The following TRAK2 variants were observed in gnomAD, a reference collection of about 807,000 sequenced individuals.
The protein encoded by TRAK2 is trafficking kinesin protein 2, also known as trafficking kinesin-binding protein 2.
TRAK2 carries 81 observed loss-of-function variants against 104.6 expected under a neutral mutation model. That is an observed-to-expected ratio of 0.77 (90% CI 0.65 to 0.93). The LOEUF (loss-of-function observed/expected upper bound fraction) is 0.93. Among genes scored for constraint, TRAK2 ranks in the 40% least tolerant of loss-of-function variants. The pLI is 0.00. For synonymous variants in TRAK2, 406 were observed against 394.4 expected, an observed-to-expected ratio of 1.03 and a Z score of -0.35; for missense variants, 1,002 against 1,089.0, an observed-to-expected ratio of 0.92 and a Z score of 1.12.
intron 2 of TRAK2, chr2:201,410,749 T>C (rs1951638472): frequency 6.4e-7 from 1 of 1,555,278 alleles, no homozygotes; most frequent in East Asian, 2.2e-5. Context: ...AAGCCACTGA[T>C]TTGGTTTCTG....
rs1346096026 is a variant in TRAK2, at chr2:201,398,224, G to A, written c.611C>T (p.Ser204Phe). 13 of 1,613,656 alleles carry A rather than the reference G, an allele frequency of 8.1e-6. No individual in the cohort carries two copies. Among genetic ancestry groups the A allele is most frequent in the Non-Finnish European group, 1.0e-5 (12 of 1,179,758 alleles). The change falls in exon 6 of 16, where the codon TCT becomes TTT. Residue 204 changes from serine to phenylalanine, a missense_variant. Ser to Phe is a radical substitution (Grantham distance 155, BLOSUM62 -2). Transcript: ENST00000332624. ...CATTTCCAACTGCAGCAACCCTTGA[G>A]ATAAGCTAAAGGACTCATTGAACCG... ...PLRFNESFSL[S>F]QGLLQLEMLQ...
intron 1 of TRAK2, among the ~76,000 whole-genome samples, chr2:201,422,035 G>GC (rs1211247759): frequency 1.6e-5 from 2 of 127,764 alleles, no homozygotes; most frequent in Non-Finnish European, 3.2e-5. Context: ...GGGTGACAGA[G>GC]CAAGACTCTG....
At chr2:201,412,066 CT>C (rs200678843) in intron 2 of TRAK2, 38,809 of 1,117,900 alleles carry the variant, frequency 0.035, 1,079 homozygotes, top group Admixed American at 0.1. Flanking sequence ...TTGGCTCCTG[CT>C]GCTTAAACAC....
chr2:201,431,051 G>A (rs555036404), intron 1 of TRAK2, among the ~76,000 whole-genome samples: 2 of 152,320 alleles, frequency 1.3e-5, no homozygotes, highest in East Asian at 3.9e-4. Context: ...GATGCGGTCT[G>A]AAGATACCTC....
chr2:201,422,294 G>T (rs1457206552), intron 1 of TRAK2, among the ~76,000 whole-genome samples: 2 of 151,952 alleles, frequency 1.3e-5, no homozygotes, highest in Non-Finnish European at 2.9e-5. Context: ...ATAAATAAAT[G>T]GTTTAATAAC....
chr2:201,400,476 G>T (rs1181884307), intron 4 of TRAK2, among the ~76,000 whole-genome samples: 1 of 151,954 alleles, frequency 6.6e-6, no homozygotes, highest in African/African-American at 2.4e-5. Context: ...TGGGGGGAGA[G>T]GGGAGAAGGA....
chr2:201,390,398 CAA>C (rs35677800), intron 10 of TRAK2, among the ~76,000 whole-genome samples: 2 of 130,402 alleles, frequency 1.5e-5, no homozygotes, highest in Non-Finnish European at 1.6e-5. Context: ...CAAAAAAATA[CAA>C]AAAAAAAAAA....
At chr2:201,437,856 T>C (rs772092216) in intron 1 of TRAK2, among the ~76,000 whole-genome samples, 31 of 152,298 alleles carry the variant, frequency 2.0e-4, no homozygotes, top group Admixed American at 3.3e-4. Context: ...TACCTCTAAA[T>C]GTACACACAA....
intron 6 of TRAK2, 63 bp downstream of exon 6, chr2:201,398,082 G>T (rs1951518138): frequency 2.0e-6 from 3 of 1,481,070 alleles, no homozygotes; most frequent in Non-Finnish European, 2.8e-6. Flanking sequence ...CACCTCAATA[G>T]TACCTGGACC....
At chr2:201,404,225 C>T (rs1307164178) in intron 3 of TRAK2, among the ~76,000 whole-genome samples, 3 of 152,174 alleles carry the variant, frequency 2.0e-5, no homozygotes, top group East Asian at 1.9e-4. Flanking sequence ...GGTAGCCAAG[C>T]AGGTTGTCTT....
At chr2:201,397,250 A>G (rs1218554988) in intron 7 of TRAK2, among the ~76,000 whole-genome samples, 2 of 152,192 alleles carry the variant, frequency 1.3e-5, no homozygotes, top group Admixed American at 1.3e-4. Flanking sequence ...TCACTCTAAC[A>G]TGCTATAACT....
chr2:201,387,454 T>C (rs143778714), intron 13 of TRAK2, among the ~76,000 whole-genome samples: 1 of 152,344 alleles, frequency 6.6e-6, no homozygotes, highest in East Asian at 1.9e-4. Context: ...ATTACTCCTC[T>C]TCCCTGCTCA....
intron 2 of TRAK2, among the ~76,000 whole-genome samples, chr2:201,416,226 TAAA>T (rs11398184): frequency 4.4e-5 from 4 of 90,872 alleles, no homozygotes; most frequent in African/African-American, 1.3e-4. Flanking sequence ...GACTCTACAT[TAAA>T]AAAAAAAAAA....
intron 1 of TRAK2, among the ~76,000 whole-genome samples, chr2:201,424,973 A>G (rs138369233): frequency 9.1e-4 from 139 of 152,338 alleles, no homozygotes; most frequent in African/African-American, 3.2e-3. Context: ...GCTGGAAGGC[A>G]AAGAATAATA....
Position 201,380,629 on chromosome 2 carries a change from TC to T in TRAK2, c.2658del (p.Asn887IlefsTer7). On this transcript the variant is annotated frameshift_variant, in exon 16 of 16. Coordinates refer to ENST00000332624, the MANE Select transcript of TRAK2 (RefSeq NM_015049.3). LOFTEE classifies it high-confidence loss of function. ...SGSSLLGGLR[R>X]NQSLPVIMGS... ...CCCATTATGACTGGAAGACTCTGAT[TC>T]CTCCTTAGTCCACCTAATAAACTGC... 1 of 1,614,062 alleles carries T rather than the reference TC, an allele frequency of 6.2e-7. No individual in the cohort carries two copies. Among genetic ancestry groups the T allele is most frequent in the Non-Finnish European group, 8.5e-7 (1 of 1,179,986 alleles).
At chr2:201,399,061 A>T (rs10204744) in intron 5 of TRAK2, among the ~76,000 whole-genome samples, 1,760 of 146,590 alleles carry the variant, frequency 0.012, 52 homozygotes, top group African/African-American at 0.041. Context: ...CCTATTTTTT[A>T]AAAATAAATT....
chr2:201,392,885 A>G (rs1157808906), intron 10 of TRAK2, 24 bp downstream of exon 10: 3 of 1,600,524 alleles, frequency 1.9e-6, no homozygotes, highest in Non-Finnish European at 2.6e-6. Flanking sequence ...CTTTAAATAC[A>G]TAGCATCTTT....
intron 1 of TRAK2, among the ~76,000 whole-genome samples, chr2:201,421,169 G>C (rs938980741): frequency 6.6e-6 from 1 of 152,068 alleles, no homozygotes; most frequent in African/African-American, 2.4e-5. Flanking sequence ...ATATATTGTA[G>C]AGTCTATAAC....
At position 201,389,821 on chromosome 2, in the gene TRAK2, T is replaced by A. The variant is rs1451657429; in HGVS notation, c.1173A>T (p.Glu391Asp). 1 of 1,613,404 alleles carries A rather than the reference T, an allele frequency of 6.2e-7. No homozygotes were observed. Among genetic ancestry groups the A allele is most frequent in the Admixed American group, 1.7e-5 (1 of 59,870 alleles). The change falls in exon 11 of 16, where the codon GAA (glutamate) becomes GAT (aspartate). Residue 391 changes from glutamate to aspartate, a missense_variant. Coordinates refer to ENST00000332624, the MANE Select transcript of TRAK2 (RefSeq NM_015049.3). ...CTTACTTTTGTTTAAAGAGAGAAGA[T>A]TCCTCATCCAAACTCAGCTTTTTAC... ...TMRKKLSLDE[E>D]SSLFKQKAQQ...
Sources: gnomAD v4.1 joint callset for allele counts (sites outside exome capture counted in the v4.1 genomes callset) on GRCh38, gnomAD v4.1.1 for gene constraint, MANE v1.5 for transcripts, NCBI Gene and HGNC (gene_info 2026-07-23, HGNC 2026-07-21) for gene names.